Variants in SMC4 observed in about 807,000 individuals in gnomAD.
SMC4 encodes structural maintenance of chromosomes protein 4.
A neutral mutation model predicts 145.6 loss-of-function variants in SMC4; 87 were observed. The observed-to-expected ratio is 0.60, with a 90% CI of 0.50 to 0.71. The LOEUF is 0.71. SMC4 is among the 30% of genes least tolerant of loss of function. The pLI is 0.00. For synonymous variants in SMC4, 558 were observed against 500.7 expected (o/e 1.11, Z -1.53); for missense variants, 1,447 against 1,537.1 (o/e 0.94, Z 0.98).
intron 5 of SMC4, among the ~76,000 whole-genome samples, chr3:160,409,082 C>T (rs998731196): frequency 3.4e-5 from 5 of 147,274 alleles, no homozygotes; most frequent in South Asian, 2.2e-4. Context: ...CTGGCTAACA[C>T]GGTGAAACCC....
In SMC4 at chr3:160,401,959, T is replaced by A. The variant is rs768594585; in HGVS notation, c.184T>A (p.Leu62Met). The A allele has an allele frequency of 1.9e-6, 3 of 1,607,118 alleles. 1 individual carries two copies. The Admixed American group carries it at 5.1e-5, about 27-fold the overall frequency. Residue 62 changes from leucine (L) to methionine (M), a missense_variant, in exon 3 of 24, where the codon TTG becomes ATG. Transcript: ENST00000357388. Reference sequence around the variant, plus strand: ...TGATAATAGAAGTTTAGAAGAGATTTTGAACAGCATTCCTCCTCCCCCGCC... The same window carrying A: ...TGATAATAGAAGTTTAGAAGAGATTATGAACAGCATTCCTCCTCCCCCGCC... ...ELDNRSLEEI[L>M]NSIPPPPPPA...
chr3:160,402,752 A>G lies in SMC4; in HGVS notation c.395A>G (p.Tyr132Cys), dbSNP rs922296681. Residue 132 changes from tyrosine (Y) to cysteine (C), a missense_variant, in exon 4 of 24, where the codon TAT becomes TGT. Coordinates refer to ENST00000357388, the MANE Select transcript of SMC4 (RefSeq NM_001002800.3). Reference protein sequence around the residue: ...VIDSMLFVFGYRAQKIRSKKL... With the variant: ...VIDSMLFVFGCRAQKIRSKKL... Reference sequence around the variant, plus strand: ...GATTCTATGCTTTTTGTGTTTGGCTATCGAGCACAAAAAATAAGATCTAAA... The same window carrying G: ...GATTCTATGCTTTTTGTGTTTGGCTGTCGAGCACAAAAAATAAGATCTAAA... The G allele has an allele frequency of 6.8e-6, 11 of 1,612,668 alleles. No individual in the cohort carries two copies. The highest frequency in any genetic ancestry group is 1.1e-5 in the South Asian group (1 of 90,678).
Position 160,433,038 on chromosome 3 carries a change from T to C in SMC4, c.3543T>C (p.Pro1181=). Reference sequence around the variant, plus strand: ...TTAATCATTTCAGTGTTCGACCACCTAAGAAAAGTTGGAAAAAGATCTTCA... The same window carrying C: ...TTAATCATTTCAGTGTTCGACCACCCAAGAAAAGTTGGAAAAAGATCTTCA... ...SEGIMFSVRP[P]KKSWKKIFNL... The change falls in exon 23 of 24, where the codon CCT becomes CCC. Residue 1181 remains proline (P), a synonymous_variant. Transcript: ENST00000357388. 2 of 1,612,316 alleles carry C rather than the reference T, an allele frequency of 1.2e-6. No individual in the cohort carries two copies. Among genetic ancestry groups the C allele is most frequent in the Non-Finnish European group, 8.5e-7 (1 of 1,178,556 alleles).
At chr3:160,420,490 A>G (rs760365483) in intron 12 of SMC4, 10 of 384,176 alleles carry the variant, frequency 2.6e-5, no homozygotes, top group African/African-American at 4.3e-5. Flanking sequence ...CTTATAGTTC[A>G]TTTAGGTTTT....
At chr3:160,404,307 T>C in intron 4 of SMC4, 21 bp from the exon 5 acceptor site, 1 of 1,587,288 alleles carries the variant, frequency 6.3e-7, no homozygotes, top group African/African-American at 1.4e-5. Flanking sequence ...TGTTTTCTGG[T>C]TTTGTTTTTC....
rs1450943637 is a variant in SMC4 at position 160,434,614 on chromosome 3, G to GTAAT, written c.*806_*809dup. 2 of 152,166 alleles carry GTAAT rather than the reference G, an allele frequency of 1.3e-5. No individual in the cohort carries two copies. Among genetic ancestry groups the GTAAT allele is most frequent in the Non-Finnish European group, 2.9e-5 (2 of 68,038 alleles). 9.4% of individuals were successfully genotyped at this position (152,166 alleles called of 1,614,324 possible). A position where few individuals can be genotyped will look rare whatever the true frequency, so the allele number is the denominator to read the frequency against. ...ATCTATTTAGGGGTTAATTACTTTA[G>GTAAT]TAATAAGTGGAAAGTAAGATACCTT... is the stretch of plus-strand genomic sequence containing the variant. On this transcript the variant is annotated 3_prime_UTR_variant, in exon 24 of 24. Transcript: ENST00000357388.
At chr3:160,432,683 C>T in intron 22 of SMC4, 168 bp downstream of exon 22, 1 of 547,226 alleles carries the variant, frequency 1.8e-6, no homozygotes. Flanking sequence ...TTTACAGGGG[C>T]AGACAGCCAG....
At chr3:160,433,596 A>T (rs1003349394) in intron 23 of SMC4, 61 bp from the exon 24 acceptor site, 2 of 987,658 alleles carry the variant, frequency 2.0e-6, no homozygotes, top group Non-Finnish European at 3.0e-6. Context: ...ATTTGAGGTT[A>T]CATGTTTGTG....
intron 5 of SMC4, among the ~76,000 whole-genome samples, chr3:160,409,285 A>T (rs1425747912): frequency 6.7e-6 from 1 of 148,798 alleles, no homozygotes; most frequent in African/African-American, 2.5e-5. Context: ...AAAAAAAAAA[A>T]AAAAAAAGAC....
intron 10 of SMC4, 25 bp downstream of exon 10, chr3:160,416,440 T>C (rs1425508748): frequency 2.2e-6 from 3 of 1,375,890 alleles, no homozygotes; most frequent in Middle Eastern, 2.7e-4. Context: ...TTTATCAGTG[T>C]TTATTTTGGT....
Position 160,419,351 on chromosome 3 carries a change from C to T in SMC4, c.1672-7C>T, listed in dbSNP as rs111868855. ...GCTTCTGGATTTCATTTTATTTTCACTTTTAGAAAGAAAAAGAACTTCAAA... is the reference window on the plus strand; with the variant it reads ...GCTTCTGGATTTCATTTTATTTTCATTTTTAGAAAGAAAAAGAACTTCAAA... On this transcript the variant is annotated splice_region_variant and splice_polypyrimidine_tract_variant and intron_variant, in intron 11 of 23. Coordinates refer to ENST00000357388, the MANE Select transcript of SMC4 (RefSeq NM_001002800.3). The T allele has an allele frequency of 0.018, 27,728 of 1,569,808 alleles. 322 individuals carry two copies. The highest frequency in any genetic ancestry group is 0.036 in the Middle Eastern group (176 of 4,920).
intron 5 of SMC4, among the ~76,000 whole-genome samples, chr3:160,407,149 G>C (rs1384351771): frequency 2.6e-5 from 4 of 152,084 alleles, no homozygotes; most frequent in African/African-American, 9.7e-5. Context: ...GCTGCCTCAG[G>C]AATATTTTTG....
chr3:160,432,217 TTAAC>T (rs1718486729), intron 21 of SMC4, 62 bp from the exon 22 acceptor site: 6 of 1,232,794 alleles, frequency 4.9e-6, no homozygotes, highest in African/African-American at 1.5e-5. Flanking sequence ...AAAGTAATAA[TTAAC>T]AATGCTAATT....
At chr3:160,431,239 A>G (rs1718370819) in intron 20 of SMC4, 34 bp downstream of exon 20, 1 of 1,513,264 alleles carries the variant, frequency 6.6e-7, no homozygotes, top group Non-Finnish European at 8.8e-7. Flanking sequence ...AATTTTAAAC[A>G]TATTCTTTAT....
chr3:160,424,670 G>C (rs181904194), intron 15 of SMC4, among the ~76,000 whole-genome samples, 197 bp from the exon 16 acceptor site: 1 of 152,138 alleles, frequency 6.6e-6, no homozygotes, highest in Non-Finnish European at 1.5e-5. Context: ...AGCCGGGCGT[G>C]GTGGCACGCA....
At chr3:160,427,423 C>T (rs1301565696) in intron 17 of SMC4, among the ~76,000 whole-genome samples, 2 of 152,178 alleles carry the variant, frequency 1.3e-5, no homozygotes, top group African/African-American at 4.8e-5. Context: ...TTCTCTGAGG[C>T]CTTCACCCAC....
intron 16 of SMC4, among the ~76,000 whole-genome samples, chr3:160,425,658 G>A (rs979092504): frequency 4.6e-5 from 7 of 151,892 alleles, no homozygotes; most frequent in Non-Finnish European, 7.4e-5. Flanking sequence ...ATCCTTGTAG[G>A]TATACCTTGA....
At chr3:160,422,143 A>G (rs1221775892) in intron 13 of SMC4, among the ~76,000 whole-genome samples, 3 of 152,222 alleles carry the variant, frequency 2.0e-5, no homozygotes, top group Admixed American at 6.5e-5. Context: ...TGCTTTGGCA[A>G]TACTTGTGCT....
At chr3:160,414,562 A>T (rs1716391392) in intron 9 of SMC4, 45 bp downstream of exon 9, 1 of 1,544,106 alleles carries the variant, frequency 6.5e-7, no homozygotes, top group African/African-American at 1.4e-5. Context: ...TCTGAATATC[A>T]TACCTAGTTT....
Sources: allele counts gnomAD v4.1 joint callset (sites outside exome capture counted in the v4.1 genomes callset), GRCh38; gene constraint gnomAD v4.1.1; transcripts MANE v1.5; gene names NCBI Gene and HGNC (gene_info 2026-07-23, HGNC 2026-07-21).